The following FGL1 variants were observed in gnomAD, a reference collection of about 807,000 sequenced individuals.
FGL1 encodes fibrinogen-like protein 1.
FGL1 carries 59 observed loss-of-function variants against 43.7 expected under a neutral mutation model. That is an observed-to-expected ratio of 1.35 (90% confidence interval 1.10 to 1.68). The LOEUF is 1.68. Ranked by LOEUF, FGL1 falls within the 40% of genes most tolerant of loss-of-function variation. The pLI, the probability that FGL1 is intolerant of heterozygous loss-of-function variation, is 0.00. For missense variants in FGL1, 596 were observed against 373.0 expected (o/e 1.60, Z -4.92); for synonymous variants, 192 against 126.5 (o/e 1.52, Z -3.48).
chr8:17,868,818 C>T (rs2053312144), intron 6 of FGL1, 83 bp from the exon 7 acceptor site: 18 of 1,479,798 alleles, frequency 1.2e-5, no homozygotes, highest in Non-Finnish European at 1.7e-5. Flanking sequence ...AACAAAAGAA[C>T]AGGTTCTATT....
intron 1 of FGL1, among the ~76,000 whole-genome samples, chr8:17,890,733 C>T (rs1045159191): frequency 1.3e-5 from 2 of 152,132 alleles, no homozygotes; most frequent in African/African-American, 4.8e-5. Context: ...CCCCAGGAAA[C>T]TTACAGTCGT....
At chr8:17,880,999 T>G (rs2053525521) in intron 3 of FGL1, among the ~76,000 whole-genome samples, 1 of 152,218 alleles carries the variant, frequency 6.6e-6, no homozygotes, top group East Asian at 1.9e-4. Context: ...TTCTGCTCCT[T>G]TATTTTTTAC....
rs775897700 is a variant in FGL1, at chr8:17,882,176, G to T, written c.67C>A (p.Leu23Ile). 6.2e-7 allele frequency: 1 copy of T among 1,612,560 alleles called. No homozygotes were observed. Among genetic ancestry groups the T allele is most frequent in the African/African-American group, 1.3e-5 (1 of 74,856 alleles). ...ATCTGCTCCTGGGCACAGTCCTCGAGCGCCTGCAAAACAGGTGAGATGAGA... is the reference window on the plus strand; with the variant it reads ...ATCTGCTCCTGGGCACAGTCCTCGATCGCCTGCAAAACAGGTGAGATGAGA... ...ALTMGREISA[L>I]EDCAQEQMRL... The change falls in exon 3 of 8, where the codon CTC becomes ATC. Residue 23 changes from leucine to isoleucine, a missense_variant. Transcript: ENST00000427924.
chr8:17,876,033 C>T (rs1316132408), intron 3 of FGL1, among the ~76,000 whole-genome samples: 1 of 152,114 alleles, frequency 6.6e-6, no homozygotes, highest in African/African-American at 2.4e-5. Context: ...TGTTCAGATG[C>T]ATAGAAAGCT....
chr8:17,882,116 G>C lies in FGL1; in HGVS notation c.127C>G (p.Arg43Gly). The C allele has an allele frequency of 6.2e-7, 1 of 1,613,968 alleles. No individual in the cohort carries two copies. Among genetic ancestry groups the C allele is most frequent in the Non-Finnish European group, 8.5e-7 (1 of 1,180,000 alleles). Residue 43 changes from arginine (R) to glycine (G), a missense_variant, in exon 3 of 8, where the codon CGG becomes GGG. Arg to Gly is a moderately radical substitution (Grantham distance 125). Transcript: ENST00000427924. Reference sequence around the variant, plus strand: ...ATCTTGACCTGTTGCTGTTTGACCCGGGTCTCAAGCAGGCGCACCTGGGCT... The same window carrying C: ...ATCTTGACCTGTTGCTGTTTGACCCCGGTCTCAAGCAGGCGCACCTGGGCT... The part of the protein sequence containing the change: ...LRAQVRLLET[R>G]VKQQQVKIKQ...
intron 1 of FGL1, among the ~76,000 whole-genome samples, chr8:17,889,112 C>G (rs1383918367): frequency 6.6e-6 from 1 of 152,198 alleles, no homozygotes; most frequent in Non-Finnish European, 1.5e-5. Context: ...GAATGTACCT[C>G]TGCAAGGCTG....
At chr8:17,894,007 A>C (rs1314873345) in intron 1 of FGL1, among the ~76,000 whole-genome samples, 4 of 147,146 alleles carry the variant, frequency 2.7e-5, no homozygotes, top group Admixed American at 6.7e-5. Flanking sequence ...ATATTATTTT[A>C]CATAATTTTA....
intron 5 of FGL1, among the ~76,000 whole-genome samples, chr8:17,873,741 A>G (rs1250899921): frequency 6.7e-6 from 1 of 149,770 alleles, no homozygotes; most frequent in Non-Finnish European, 1.5e-5. Flanking sequence ...CATATATACT[A>G]TGTATAGAAT....
At chr8:17,885,843 G>T in intron 1 of FGL1, 1 of 315,900 alleles carries the variant, frequency 3.2e-6, no homozygotes, top group South Asian at 6.5e-5. Context: ...TTATGCTGTG[G>T]AAAGGCACAG....
intron 3 of FGL1, among the ~76,000 whole-genome samples, chr8:17,879,677 A>G (rs1278352842): frequency 6.6e-6 from 1 of 151,770 alleles, no homozygotes; most frequent in African/African-American, 2.4e-5. Flanking sequence ...CCCCAGAAGC[A>G]GATGCTGCTA....
chr8:17,879,685 C>CTATG lies in FGL1; in HGVS notation c.244+2310_244+2313dup, dbSNP rs199949965. Among the ~76,000 whole-genome samples, 953 of 151,858 alleles carry CTATG rather than the reference C, an allele frequency of 6.3e-3. 9 individuals carry two copies. Among genetic ancestry groups the CTATG allele is most frequent in the African/African-American group, 0.022 (897 of 41,208 alleles). ...GAGGCCTCCCCAGAAGCAGATGCTG[C>CTATG]TATGCTTCCTTTACAGCCTGCAGAA... On this transcript the variant is annotated intron_variant, in intron 3 of 7. Coordinates refer to ENST00000427924, the MANE Select transcript of FGL1 (RefSeq NM_004467.4).
chr8:17,892,972 G>A (rs2053726273), intron 1 of FGL1, among the ~76,000 whole-genome samples: 1 of 152,150 alleles, frequency 6.6e-6, no homozygotes, highest in South Asian at 2.1e-4. Context: ...GGCTGAGGCA[G>A]GCAGATCACT....
chr8:17,864,584 A>G lies in FGL1; in HGVS notation c.*8T>C, dbSNP rs1563443759. 2 of 1,603,130 alleles carry G rather than the reference A, an allele frequency of 1.2e-6. No homozygotes were observed. The highest frequency in any genetic ancestry group is 1.7e-6 in the Non-Finnish European group (2 of 1,176,874). On this transcript the variant is annotated 3_prime_UTR_variant, in exon 8 of 8. Coordinates refer to ENST00000427924, the MANE Select transcript of FGL1 (RefSeq NM_004467.4). ...TGAATTGCAGAAACGAAAGCCCAACAGCAGCAATTAAATTACATTTGGAAT... is the reference window on the plus strand; with the variant it reads ...TGAATTGCAGAAACGAAAGCCCAACGGCAGCAATTAAATTACATTTGGAAT...
intron 5 of FGL1, among the ~76,000 whole-genome samples, chr8:17,870,772 G>A (rs2262244): frequency 0.65 from 98,930 of 151,686 alleles, 33,364 homozygotes; most frequent in Non-Finnish European, 0.76. Context: ...TGGGCATGGT[G>A]GCACGTGCCT....
At chr8:17,874,263 T>G (rs2053409440) in intron 4 of FGL1, 99 bp downstream of exon 4, 1 of 1,406,360 alleles carries the variant, frequency 7.1e-7, no homozygotes, top group African/African-American at 1.4e-5. Flanking sequence ...AGATTGAAAT[T>G]CTGTCTAATT....
At chr8:17,865,896 T>C (rs1420452746) in intron 7 of FGL1, among the ~76,000 whole-genome samples, 2 of 152,184 alleles carry the variant, frequency 1.3e-5, no homozygotes, top group African/African-American at 4.8e-5. Flanking sequence ...AGCTTAATGA[T>C]TCACTCCTAC....
intron 5 of FGL1, 60 bp from the exon 6 acceptor site, chr8:17,869,064 C>T (rs1013668268): frequency 4.2e-5 from 43 of 1,034,526 alleles, no homozygotes; most frequent in South Asian, 3.2e-4. Flanking sequence ...CGGACTACTG[C>T]GGTTTAAAAA....
At chr8:17,887,073 C>G (rs1332716626) in intron 1 of FGL1, among the ~76,000 whole-genome samples, 2 of 152,102 alleles carry the variant, frequency 1.3e-5, no homozygotes, top group Non-Finnish European at 2.9e-5. Flanking sequence ...GACATGACAG[C>G]AGAAGTGCTG....
chr8:17,875,940 G>C (rs1487116345), intron 3 of FGL1, among the ~76,000 whole-genome samples: 2 of 152,084 alleles, frequency 1.3e-5, no homozygotes, highest in Non-Finnish European at 1.5e-5. Flanking sequence ...CCACTTGAGG[G>C]TGATGTAAAT....
Sources: allele counts gnomAD v4.1 joint callset (sites outside exome capture counted in the v4.1 genomes callset), GRCh38; gene constraint gnomAD v4.1.1; transcripts MANE v1.5; gene names NCBI Gene and HGNC (gene_info 2026-07-23, HGNC 2026-07-21).